The following RARB variants were observed in gnomAD, a reference collection of about 807,000 sequenced individuals.
RARB encodes the protein retinoic acid receptor beta.
In RARB, 17 loss-of-function variants were observed where a neutral mutation model predicts 51.9. The ratio of observed to expected loss-of-function variants is 0.33; its 90% CI spans 0.22 to 0.49. RARB has a LOEUF of 0.49. Ranked by LOEUF, RARB falls within the 20% of genes least tolerant of loss-of-function variation. The pLI, the probability that RARB is intolerant of heterozygous loss-of-function variation, is 0.99. For synonymous variants in RARB, 215 were observed against 195.4 expected (o/e 1.10, Z -0.84); for missense variants, 369 against 550.8 (o/e 0.67, Z 3.30).
chr3:25,526,625 C>A (rs1388195527), intron 3 of RARB, among the ~76,000 whole-genome samples: 1 of 152,070 alleles, frequency 6.6e-6, no homozygotes, highest in East Asian at 1.9e-4. Context: ...TTAAATAGCA[C>A]ATAAAAGGTA....
intron 3 of RARB, among the ~76,000 whole-genome samples, chr3:25,123,055 A>G (rs186012182): frequency 3.5e-4 from 53 of 152,284 alleles, no homozygotes; most frequent in African/African-American, 1.2e-3. Context: ...CAACAATTCA[A>G]TTCTCCTGCA....
In RARB at chr3:25,253,963, G is replaced by T. The variant is rs185440687; in HGVS notation, c.178+79388G>T. Among the ~76,000 whole-genome samples the T allele has an allele frequency of 2.8e-4, 43 of 152,212 alleles. 1 individual carries two copies. The highest frequency in any genetic ancestry group is 2.4e-3 in the Admixed American group (36 of 15,270). On this transcript the variant is annotated intron_variant, in intron 5 of 11. Coordinates refer to the RARB transcript ENST00000383772. Reference sequence around the variant, plus strand: ...GAACTGTGTCCTAAAAGAATAAAAGGATATCATTGTAGTTCATGCATAAGG... The same window carrying T: ...GAACTGTGTCCTAAAAGAATAAAAGTATATCATTGTAGTTCATGCATAAGG...
At chr3:25,540,970 T>C (rs919525671) in intron 3 of RARB, among the ~76,000 whole-genome samples, 14 of 150,704 alleles carry the variant, frequency 9.3e-5, no homozygotes, top group African/African-American at 3.4e-4. Context: ...AAAAAAAAAA[T>C]GCCTTTTTTA....
chr3:25,092,110 C>A (rs1312696080), intron 3 of RARB, among the ~76,000 whole-genome samples: 3 of 152,094 alleles, frequency 2.0e-5, no homozygotes, highest in African/African-American at 7.2e-5. Flanking sequence ...GAAACAAGTG[C>A]TTTTACAGCC....
chr3:25,124,102 C>T (rs530706890), intron 3 of RARB, among the ~76,000 whole-genome samples: 6 of 152,122 alleles, frequency 3.9e-5, no homozygotes, highest in African/African-American at 4.8e-5. Context: ...AGGCCGGGCG[C>T]GGTGGCTCAC....
intron 3 of RARB, among the ~76,000 whole-genome samples, chr3:25,072,750 C>T (rs1332511308): frequency 6.6e-6 from 1 of 151,908 alleles, no homozygotes; most frequent in African/African-American, 2.4e-5. Context: ...GCTCTGTCGC[C>T]CAGGCTGGAG....
At chr3:24,985,675 G>A (rs1696774440) in intron 2 of RARB, among the ~76,000 whole-genome samples, 1 of 152,144 alleles carries the variant, frequency 6.6e-6, no homozygotes, top group Admixed American at 6.5e-5. Flanking sequence ...AACAAACGTG[G>A]GTCTTTTGTT....
At chr3:24,974,728 A>G (rs1218045402) in intron 2 of RARB, among the ~76,000 whole-genome samples, 1 of 152,194 alleles carries the variant, frequency 6.6e-6, no homozygotes, top group Non-Finnish European at 1.5e-5. Context: ...AAGAAATTAT[A>G]AATGAGTATC....
intron 2 of RARB, among the ~76,000 whole-genome samples, chr3:25,488,879 C>A (rs1318673448): frequency 6.6e-6 from 1 of 152,208 alleles, no homozygotes; most frequent in Non-Finnish European, 1.5e-5. Context: ...GGAGAACAAT[C>A]TAACTAATTG....
At chr3:24,942,157 A>T (rs1370873982) in intron 2 of RARB, among the ~76,000 whole-genome samples, 1 of 152,216 alleles carries the variant, frequency 6.6e-6, no homozygotes, top group Non-Finnish European at 1.5e-5. Context: ...TAAAACTGGG[A>T]CTGAAACCAG....
chr3:25,092,262 G>A (rs2125317300), intron 3 of RARB, among the ~76,000 whole-genome samples: 1 of 152,288 alleles, frequency 6.6e-6, no homozygotes, highest in African/African-American at 2.4e-5. Context: ...CTATTGTGAT[G>A]TTTGAGCTCT....
At chr3:25,146,351 G>A (rs546310702) in intron 4 of RARB, among the ~76,000 whole-genome samples, 6 of 152,130 alleles carry the variant, frequency 3.9e-5, no homozygotes, top group African/African-American at 9.6e-5. Flanking sequence ...TCTTGGCCAC[G>A]ACTATTCACT....
intron 2 of RARB, among the ~76,000 whole-genome samples, chr3:25,056,645 A>G (rs532068969): frequency 3.9e-4 from 59 of 152,234 alleles, no homozygotes; most frequent in Non-Finnish European, 7.6e-4. Context: ...TATACCCAAT[A>G]GATACCCAAT....
intron 5 of RARB, among the ~76,000 whole-genome samples, chr3:25,397,392 CCA>C (rs1172290980): frequency 1.3e-5 from 2 of 152,146 alleles, no homozygotes; most frequent in Non-Finnish European, 2.9e-5. Context: ...TTCGGCTGTC[CCA>C]CAGAGTTTAC....
chr3:25,453,686 C>T (rs1475706856), intron 1 of RARB, among the ~76,000 whole-genome samples: 1 of 152,166 alleles, frequency 6.6e-6, no homozygotes, highest in Non-Finnish European at 1.5e-5. Flanking sequence ...ATGTTCAGCA[C>T]CTGTTTCATA....
At chr3:24,967,131 C>G (rs1037371169) in intron 2 of RARB, among the ~76,000 whole-genome samples, 1 of 152,236 alleles carries the variant, frequency 6.6e-6, no homozygotes, top group South Asian at 2.1e-4. Flanking sequence ...ATCAGAAGAT[C>G]TGGCAACTCT....
chr3:25,238,625 A>G (rs1702359082), intron 5 of RARB, among the ~76,000 whole-genome samples: 2 of 152,300 alleles, frequency 1.3e-5, no homozygotes, highest in East Asian at 1.9e-4. Flanking sequence ...ATCCCCACCA[A>G]TGGTGTATAA....
At chr3:24,991,448 A>AAAAAAAGAAAAAG (rs569915453) in intron 2 of RARB, among the ~76,000 whole-genome samples, 2 of 151,306 alleles carry the variant, frequency 1.3e-5, no homozygotes, top group Admixed American at 6.6e-5. Flanking sequence ...TGTCTCAAAA[A>AAAAAAAGAAAAAG]AAAAAGAAAA....
chr3:25,064,563 G>A (rs896883320), intron 3 of RARB, among the ~76,000 whole-genome samples: 2 of 152,074 alleles, frequency 1.3e-5, no homozygotes, highest in Admixed American at 6.6e-5. Context: ...CAAAAGAGTG[G>A]CAAAAAATAT....
Sources: gnomAD v4.1 joint callset for allele counts (sites outside exome capture counted in the v4.1 genomes callset) on GRCh38, gnomAD v4.1.1 for gene constraint, MANE v1.5 for transcripts, NCBI Gene and HGNC (gene_info 2026-07-23, HGNC 2026-07-21) for gene names.